SLCO5A1: variants seen among roughly 807,000 people sequenced by gnomAD.
The protein encoded by SLCO5A1 is solute carrier organic anion transporter family member 5A1, also known as organic anion transporter polypeptide-related protein 4.
In SLCO5A1, 39 loss-of-function variants were observed where a neutral mutation model predicts 65.1. That is an observed-to-expected ratio of 0.60 (90% CI 0.46 to 0.78). The LOEUF (loss-of-function observed/expected upper bound fraction) is 0.78. Among genes scored for constraint, SLCO5A1 ranks in the 30% least tolerant of loss-of-function variants. The probability of loss-of-function intolerance (pLI) is 0.00; values close to 1 mark genes in which losing one functional copy is unlikely to be tolerated. For synonymous variants in SLCO5A1, 438 were observed against 415.7 expected (o/e 1.05, Z -0.65); for missense variants, 1,029 against 1,069.4 (o/e 0.96, Z 0.53).
intron 2 of SLCO5A1, among the ~76,000 whole-genome samples, chr8:69,797,542 C>A (rs1010912733): frequency 6.6e-6 from 1 of 152,238 alleles, no homozygotes; most frequent in Non-Finnish European, 1.5e-5. Context: ...AGAAATATTG[C>A]TGAATTCTTT....
intron 5 of SLCO5A1, among the ~76,000 whole-genome samples, chr8:69,732,620 A>G (rs1025868533): frequency 6.6e-6 from 1 of 152,116 alleles, no homozygotes; most frequent in Non-Finnish European, 1.5e-5. Context: ...CAGCACTGTG[A>G]CCCCAAGTGG....
At chr8:69,743,065 G>A (rs1816865560) in intron 4 of SLCO5A1, among the ~76,000 whole-genome samples, 1 of 152,078 alleles carries the variant, frequency 6.6e-6, no homozygotes, top group Admixed American at 6.6e-5. Flanking sequence ...CTCCCAAAGT[G>A]CTGGGATTAC....
chr8:69,738,113 A>G lies in SLCO5A1; in HGVS notation c.1350T>C (p.Ala450=), dbSNP rs1226666216. ...SYTAESAIVT[A]FITFIPKFIE... ...TGAACTTGGGAATGAAGGTAATGAA[A>G]GCAGTTACAATGGCACTCTCAGCTG... Residue 450 remains alanine, a synonymous_variant, in exon 5 of 10, where the codon GCT becomes GCC. Transcript: ENST00000260126. 1 of 1,614,020 alleles carries G rather than the reference A, an allele frequency of 6.2e-7. No homozygotes were observed. Among genetic ancestry groups the G allele is most frequent in the Non-Finnish European group, 8.5e-7 (1 of 1,179,908 alleles).
At chr8:69,738,225 C>T in intron 4 of SLCO5A1, 21 bp from the exon 5 acceptor site, 1 of 1,576,324 alleles carries the variant, frequency 6.3e-7, no homozygotes, top group South Asian at 1.2e-5. Context: ...ACAAAAATGA[C>T]AAATGAATGT....
At position 69,832,647 on chromosome 8, in the gene SLCO5A1, G is replaced by A. The variant is rs748164026; in HGVS notation, c.27C>T (p.Pro9=). Residue 9 remains proline, a synonymous_variant, in exon 2 of 10, where the codon CCC becomes CCT. Transcript: ENST00000260126. The surrounding 1 kb of genome is among the most constrained non-coding windows in gnomAD (Gnocchi z 4.5). MDEGTGLQ[P]GAGEQLEAPA... ...GCGCCTCCAGCTGCTCTCCCGCCCC[G>A]GGCTGCAGTCCAGTGCCTTCGTCCA... The A allele has an allele frequency of 6.2e-6, 10 of 1,605,944 alleles. No individual in the cohort carries two copies. The highest frequency in any genetic ancestry group is 7.6e-6 in the Non-Finnish European group (9 of 1,179,720).
chr8:69,680,461 G>T (rs1813718550), intron 7 of SLCO5A1, among the ~76,000 whole-genome samples: 1 of 152,156 alleles, frequency 6.6e-6, no homozygotes, highest in African/African-American at 2.4e-5. Flanking sequence ...CCAAGGTCAT[G>T]ATTTTATTCT....
At chr8:69,815,164 T>TA (rs1190541569) in intron 2 of SLCO5A1, among the ~76,000 whole-genome samples, 1 of 152,178 alleles carries the variant, frequency 6.6e-6, no homozygotes, top group Non-Finnish European at 1.5e-5. Context: ...GTTTTCACCA[T>TA]AAAAAGGTTA....
intron 2 of SLCO5A1, among the ~76,000 whole-genome samples, chr8:69,781,219 T>C (rs1172284941): frequency 6.6e-6 from 1 of 152,228 alleles, no homozygotes; most frequent in Admixed American, 6.5e-5. Flanking sequence ...AAGCATGATT[T>C]CCATTGGAAA....
At chr8:69,723,875 C>T (rs1028288552) in intron 5 of SLCO5A1, among the ~76,000 whole-genome samples, 2 of 151,300 alleles carry the variant, frequency 1.3e-5, no homozygotes, top group Admixed American at 6.6e-5. Flanking sequence ...CGGGTTCAAG[C>T]GATTCTCCTG....
intron 5 of SLCO5A1, among the ~76,000 whole-genome samples, chr8:69,715,324 G>A (rs142675293): frequency 1.3e-5 from 2 of 152,302 alleles, no homozygotes; most frequent in African/African-American, 4.8e-5. Context: ...AGCCTCAAAC[G>A]ACGTTGGTAT....
rs187671328 is a variant in SLCO5A1 at position 69,803,492 on chromosome 8, C to T, written c.907+28275G>A. ...ACTCGAGAGGCTAAGGCAGGAGAATCGCTTGTGAGCTGAGATCACGCCACT... is the reference window on the plus strand; with the variant it reads ...ACTCGAGAGGCTAAGGCAGGAGAATTGCTTGTGAGCTGAGATCACGCCACT... On this transcript the variant is annotated intron_variant, in intron 2 of 9. Coordinates refer to ENST00000260126, the MANE Select transcript of SLCO5A1 (RefSeq NM_030958.3). Among the ~76,000 whole-genome samples, 528 of 152,112 alleles carry T rather than the reference C, an allele frequency of 3.5e-3. 2 individuals are homozygous for T. Among genetic ancestry groups the T allele is most frequent in the African/African-American group, 0.012 (510 of 41,500 alleles).
At chr8:69,711,323 G>A (rs573130275) in intron 5 of SLCO5A1, among the ~76,000 whole-genome samples, 1 of 152,120 alleles carries the variant, frequency 6.6e-6, no homozygotes, top group East Asian at 1.9e-4. Flanking sequence ...TCACCACTGC[G>A]CACCTCACCT....
intron 5 of SLCO5A1, among the ~76,000 whole-genome samples, chr8:69,717,608 G>A (rs930574994): frequency 6.6e-6 from 1 of 152,168 alleles, no homozygotes; most frequent in African/African-American, 2.4e-5. Context: ...AATTTTAGAA[G>A]CAGCTTGCCA....
chr8:69,677,885 T>C (rs968274617), intron 8 of SLCO5A1, among the ~76,000 whole-genome samples: 1 of 152,140 alleles, frequency 6.6e-6, no homozygotes, highest in Non-Finnish European at 1.5e-5. Flanking sequence ...CCTTTCTTCA[T>C]TCCTTCCCTG....
intron 2 of SLCO5A1, 56 bp from the exon 3 acceptor site, chr8:69,761,931 A>C (rs1313143246): frequency 6.3e-7 from 1 of 1,591,174 alleles, no homozygotes; most frequent in Non-Finnish European, 8.5e-7. Flanking sequence ...ACATGTTAGG[A>C]GTTCTCTCAT....
At chr8:69,813,232 T>C (rs1820277526) in intron 2 of SLCO5A1, among the ~76,000 whole-genome samples, 1 of 152,142 alleles carries the variant, frequency 6.6e-6, no homozygotes, top group African/African-American at 2.4e-5. Context: ...CTATGACCTT[T>C]GTAAGAATTT....
intron 5 of SLCO5A1, among the ~76,000 whole-genome samples, chr8:69,710,649 C>A (rs547798781): frequency 1.3e-5 from 2 of 152,304 alleles, no homozygotes; most frequent in Non-Finnish European, 2.9e-5. Context: ...GCCGCGGATA[C>A]TGTACTACAG....
At chr8:69,729,447 A>C (rs560586089) in intron 5 of SLCO5A1, among the ~76,000 whole-genome samples, 1,047 of 6,544 alleles carry the variant, frequency 0.16, 9 homozygotes, top group African/African-American at 0.25. Flanking sequence ...CCGTCCCAAC[A>C]AAAAAAAAAA....
intron 5 of SLCO5A1, among the ~76,000 whole-genome samples, chr8:69,727,943 T>G (rs948246805): frequency 1.3e-5 from 2 of 152,174 alleles, no homozygotes; most frequent in African/African-American, 4.8e-5. Flanking sequence ...TCAGATAGTT[T>G]AAAAGGAACA....
Sources: allele counts gnomAD v4.1 joint callset (sites outside exome capture counted in the v4.1 genomes callset), GRCh38; gene constraint gnomAD v4.1.1; non-coding constraint Gnocchi (gnomAD v3.1); transcripts MANE v1.5; gene names NCBI Gene and HGNC (gene_info 2026-07-23, HGNC 2026-07-21).